Variants in ZDHHC14 observed in about 807,000 individuals in gnomAD.
The protein encoded by ZDHHC14 is palmitoyltransferase ZDHHC14.
ZDHHC14 carries 16 observed loss-of-function variants against 47.7 expected under a neutral mutation model. The observed-to-expected ratio is 0.34, with a 90% confidence interval of 0.23 to 0.51. The LOEUF (loss-of-function observed/expected upper bound fraction) is 0.51. Among genes scored for constraint, ZDHHC14 ranks in the 20% least tolerant of loss-of-function variants. ZDHHC14 has a pLI of 0.97. For synonymous variants in ZDHHC14, 293 were observed against 278.9 expected (o/e 1.05, Z -0.50); for missense variants, 515 against 662.5 (o/e 0.78, Z 2.44).
At chr6:157,633,007 TC>T (rs1251269541) in intron 5 of ZDHHC14, 125 bp downstream of exon 5, 1 of 978,694 alleles carries the variant, frequency 1.0e-6, no homozygotes, top group Admixed American at 1.7e-5. Context: ...TCCAAAGAAC[TC>T]CCTCAGATTC....
At chr6:157,587,915 C>T (rs540415711) in intron 2 of ZDHHC14, among the ~76,000 whole-genome samples, 1 of 152,230 alleles carries the variant, frequency 6.6e-6, no homozygotes, top group South Asian at 2.1e-4. Flanking sequence ...AGGCCAGTTG[C>T]TTGAGACCAG....
chr6:157,442,529 C>T (rs1329424089), intron 1 of ZDHHC14, among the ~76,000 whole-genome samples: 3 of 152,210 alleles, frequency 2.0e-5, no homozygotes, highest in South Asian at 2.1e-4. Context: ...AAACTCTAAG[C>T]CCCGCTCTCC....
At chr6:157,619,477 G>A (rs920318326) in intron 3 of ZDHHC14, among the ~76,000 whole-genome samples, 2 of 152,168 alleles carry the variant, frequency 1.3e-5, no homozygotes, top group Non-Finnish European at 2.9e-5. Context: ...GGAGCTGAAG[G>A]GACCTCTGTT....
chr6:157,545,907 G>C (rs1490847738), intron 2 of ZDHHC14, among the ~76,000 whole-genome samples: 3 of 152,166 alleles, frequency 2.0e-5, no homozygotes, highest in Non-Finnish European at 4.4e-5. Flanking sequence ...ATCTTTTGAG[G>C]TTCTTTTCAG....
intron 2 of ZDHHC14, among the ~76,000 whole-genome samples, chr6:157,547,183 C>T (rs898975187): frequency 2.6e-5 from 4 of 152,252 alleles, no homozygotes; most frequent in East Asian, 1.9e-4. Context: ...TGTGCACGCA[C>T]GTGCACGTGT....
chr6:157,656,913 T>C (rs1426087682), intron 8 of ZDHHC14, among the ~76,000 whole-genome samples: 1 of 152,080 alleles, frequency 6.6e-6, no homozygotes, highest in Admixed American at 6.5e-5. Context: ...TACAGAATCA[T>C]GGTGGGATTG....
At chr6:157,382,730 C>T (rs772496601) in intron 1 of ZDHHC14, among the ~76,000 whole-genome samples, 2 of 152,236 alleles carry the variant, frequency 1.3e-5, no homozygotes, top group Non-Finnish European at 2.9e-5. Context: ...GCTCAGTTGA[C>T]TGAATCTCCC....
intron 3 of ZDHHC14, among the ~76,000 whole-genome samples, chr6:157,613,041 C>G (rs562538695): frequency 2.0e-5 from 3 of 152,208 alleles, no homozygotes; most frequent in Admixed American, 6.5e-5. Flanking sequence ...TAAGTCTGAT[C>G]AAGAGCTAGT....
intron 5 of ZDHHC14, among the ~76,000 whole-genome samples, chr6:157,636,199 A>AACACACACACAC (rs200065831): frequency 5.4e-4 from 81 of 150,850 alleles, no homozygotes; most frequent in Middle Eastern, 3.5e-3. Context: ...GATGGATTTA[A>AACACACACACAC]ACACACACAC....
intron 7 of ZDHHC14, among the ~76,000 whole-genome samples, chr6:157,650,640 A>AT (rs1777787527): frequency 7.3e-6 from 1 of 136,954 alleles, no homozygotes; most frequent in Admixed American, 7.2e-5. Context: ...TTCTCTTGTC[A>AT]TTAAAAAAAA....
chr6:157,579,246 G>A (rs1783428467), intron 2 of ZDHHC14, among the ~76,000 whole-genome samples: 1 of 126,658 alleles, frequency 7.9e-6, no homozygotes, highest in Non-Finnish European at 1.6e-5. Context: ...CGCCCAGGCT[G>A]GAGTGCAGTG....
intron 1 of ZDHHC14, among the ~76,000 whole-genome samples, chr6:157,484,720 T>C (rs1779736662): frequency 6.6e-6 from 1 of 151,852 alleles, no homozygotes; most frequent in African/African-American, 2.4e-5. Flanking sequence ...TAATAAATGG[T>C]AAGTTTTTCT....
At chr6:157,601,706 A>G (rs893480770) in intron 3 of ZDHHC14, among the ~76,000 whole-genome samples, 2 of 152,242 alleles carry the variant, frequency 1.3e-5, no homozygotes, top group Non-Finnish European at 2.9e-5. Context: ...ACTATTTGAT[A>G]TTATGAGGTC....
At chr6:157,550,962 G>C (rs771305423) in intron 2 of ZDHHC14, among the ~76,000 whole-genome samples, 12 of 152,186 alleles carry the variant, frequency 7.9e-5, no homozygotes, top group Admixed American at 6.5e-4. Flanking sequence ...GGCATAACCA[G>C]GGTGAGGAGA....
intron 1 of ZDHHC14, among the ~76,000 whole-genome samples, chr6:157,397,502 C>G (rs965969231): frequency 6.6e-6 from 1 of 152,108 alleles, no homozygotes; most frequent in Non-Finnish European, 1.5e-5. Flanking sequence ...AGCGAGGCTC[C>G]GTGTCTTCCT....
intron 1 of ZDHHC14, among the ~76,000 whole-genome samples, chr6:157,495,906 T>C (rs1780052360): frequency 1.3e-5 from 2 of 151,966 alleles, no homozygotes; most frequent in South Asian, 4.2e-4. Context: ...GATTCTGCCA[T>C]GTTGACCAGG....
intron 2 of ZDHHC14, among the ~76,000 whole-genome samples, chr6:157,565,714 G>A (rs894693422): frequency 2.6e-5 from 4 of 151,936 alleles, no homozygotes; most frequent in East Asian, 3.9e-4. Context: ...GGCTGAGGCA[G>A]GAGACTGGTT....
intron 1 of ZDHHC14, among the ~76,000 whole-genome samples, chr6:157,504,960 G>A (rs1390053137): frequency 3.3e-5 from 5 of 151,216 alleles, no homozygotes; most frequent in Admixed American, 1.3e-4. Flanking sequence ...ACAGGTGAGC[G>A]CCACCACACC....
rs182059591 is a variant in ZDHHC14, at chr6:157,582,532, T to C, written c.407-10456T>C. Among the ~76,000 whole-genome samples, 18 of 144,828 alleles carry C rather than the reference T, an allele frequency of 1.2e-4. No homozygotes were observed. Among genetic ancestry groups the C allele is most frequent in the Admixed American group, 6.7e-4 (10 of 15,012 alleles). On this transcript the variant is annotated intron_variant, in intron 2 of 8. Coordinates refer to ENST00000359775, the MANE Select transcript of ZDHHC14 (RefSeq NM_024630.3). The surrounding 1 kb of genome is among the most constrained non-coding windows in gnomAD (Gnocchi z 4.3). ...TATGAAATTCTTGGTTGGAAATTCTTTTCTTTAAGAATGCTGAATATAGCC... is the reference window on the plus strand; with the variant it reads ...TATGAAATTCTTGGTTGGAAATTCTCTTCTTTAAGAATGCTGAATATAGCC...
Sources: allele counts gnomAD v4.1 joint callset (sites outside exome capture counted in the v4.1 genomes callset), GRCh38; gene constraint gnomAD v4.1.1; non-coding constraint Gnocchi (gnomAD v3.1); transcripts MANE v1.5; gene names NCBI Gene and HGNC (gene_info 2026-07-23, HGNC 2026-07-21).